CREG2: variants seen among roughly 807,000 people sequenced by gnomAD.
The protein encoded by CREG2 is protein CREG2.
A neutral mutation model predicts 26.2 loss-of-function variants in CREG2; 24 were observed. That is an observed-to-expected ratio of 0.92 (90% confidence interval 0.66 to 1.29). The LOEUF is 1.29. Among genes scored for constraint, CREG2 ranks in the 50% most tolerant of loss-of-function variants. The pLI, the probability that CREG2 is intolerant of heterozygous loss-of-function variation, is 0.00. For synonymous variants in CREG2, 174 were observed against 169.2 expected, an observed-to-expected ratio of 1.03 and a Z score of -0.22; for missense variants, 366 against 398.6, an observed-to-expected ratio of 0.92 and a Z score of 0.70.
chr2:101,380,542 C>T (rs976281788), intron 2 of CREG2, among the ~76,000 whole-genome samples: 1 of 152,252 alleles, frequency 6.6e-6, no homozygotes, highest in Admixed American at 6.5e-5. Flanking sequence ...CCAGTTCTGG[C>T]TTTGTCTTCC....
rs1052015675 is a variant in CREG2, at chr2:101,377,430, C to T, written c.611+6103G>A. Among the ~76,000 whole-genome samples the T allele has an allele frequency of 6.6e-5, 10 of 152,232 alleles. 1 individual carries two copies. Among genetic ancestry groups the T allele is most frequent in the Admixed American group, 3.3e-4 (5 of 15,288 alleles). ...GCTGCCCTGATTCACCAAGAAGGTG[C>T]GAACCTAAAACTCATGCTATTCAAG... is the stretch of plus-strand genomic sequence containing the variant. On this transcript the variant is annotated intron_variant, in intron 2 of 3. Transcript: ENST00000324768.
chr2:101,365,933 G>A (rs1453544322), intron 2 of CREG2, among the ~76,000 whole-genome samples: 1 of 152,064 alleles, frequency 6.6e-6, no homozygotes, highest in Non-Finnish European at 1.5e-5. Context: ...TCACCCAATT[G>A]TTCATTCATC....
chr2:101,374,978 C>T lies in CREG2; in HGVS notation c.611+8555G>A, dbSNP rs1403334406. 2.0e-5 allele frequency among the ~76,000 whole-genome samples: 3 copies of T among 152,298 alleles called. No individual in the cohort carries two copies. The East Asian group carries it at 5.8e-4, about 29-fold the overall frequency. On this transcript the variant is annotated intron_variant, in intron 2 of 3. Transcript: ENST00000324768. Reference sequence around the variant, plus strand: ...CTTGAACCCACAACATAAAGGCAAACTGACCCGCCTGCTGACACCCTCCCC... The same window carrying T: ...CTTGAACCCACAACATAAAGGCAAATTGACCCGCCTGCTGACACCCTCCCC...
At chr2:101,372,167 G>C (rs1485097247) in intron 2 of CREG2, among the ~76,000 whole-genome samples, 1 of 152,168 alleles carries the variant, frequency 6.6e-6, no homozygotes, top group Non-Finnish European at 1.5e-5. Flanking sequence ...GGTGTTAACT[G>C]TTAGGGGACT....
At chr2:101,373,485 C>A (rs527463543) in intron 2 of CREG2, among the ~76,000 whole-genome samples, 1 of 152,280 alleles carries the variant, frequency 6.6e-6, no homozygotes, top group South Asian at 2.1e-4. Context: ...CTTAACAGCC[C>A]TGAAAGCTTT....
Position 101,361,632 on chromosome 2 carries a change from G to A in CREG2, c.612-6266C>T, listed in dbSNP as rs115744043. Reference sequence around the variant, plus strand: ...TGTTAATCTGGTGAGTCCTCTTTTGGACTTCTGACCTCCAGGACAGTAACA... The same window carrying A: ...TGTTAATCTGGTGAGTCCTCTTTTGAACTTCTGACCTCCAGGACAGTAACA... On this transcript the variant is annotated intron_variant, in intron 2 of 3. Coordinates refer to ENST00000324768, the MANE Select transcript of CREG2 (RefSeq NM_153836.4). Among the ~76,000 whole-genome samples the A allele has an allele frequency of 4.3e-3, 660 of 152,252 alleles. 7 individuals carry two copies. Among genetic ancestry groups the A allele is most frequent in the African/African-American group, 0.014 (599 of 41,542 alleles).
intron 2 of CREG2, among the ~76,000 whole-genome samples, chr2:101,359,580 GAC>G (rs1684511063): frequency 6.6e-6 from 1 of 152,256 alleles, no homozygotes; most frequent in African/African-American, 2.4e-5. Context: ...TTTTTAGAGA[GAC>G]AGTTAACAAC....
chr2:101,386,948 G>A lies in CREG2; in HGVS notation c.441+69C>T, dbSNP rs562002847. ...CTCAGTCCCGAGCGGTCGCGAGCAC[G>A]TCCCTGTCCCCGTCCCCCGGCCGCC... is the stretch of plus-strand genomic sequence containing the variant. On this transcript the variant is annotated intron_variant, in intron 1 of 3. Coordinates refer to ENST00000324768, the MANE Select transcript of CREG2 (RefSeq NM_153836.4). 4.7e-4 allele frequency: 573 copies of A among 1,223,488 alleles called. 1 individual carries two copies. The African/African-American group carries it at 8.3e-3, about 18-fold the overall frequency. The allele number at this position is 1,223,488 out of a possible 1,614,324, so 75.8% of individuals were successfully genotyped here.
intron 2 of CREG2, among the ~76,000 whole-genome samples, chr2:101,370,045 C>T (rs769179105): frequency 1.5e-4 from 23 of 152,152 alleles, no homozygotes; most frequent in South Asian, 6.2e-4. Context: ...CAGTCCGGCT[C>T]GGGAGCCAGG....
At chr2:101,365,029 G>T (rs1416676279) in intron 2 of CREG2, among the ~76,000 whole-genome samples, 1 of 152,202 alleles carries the variant, frequency 6.6e-6, no homozygotes, top group African/African-American at 2.4e-5. Context: ...TGGTGCTTTT[G>T]CTAGCAAATC....
intron 2 of CREG2, among the ~76,000 whole-genome samples, chr2:101,377,981 G>T (rs1246004069): frequency 2.0e-5 from 3 of 152,164 alleles, no homozygotes; most frequent in Admixed American, 6.5e-5. Context: ...GCAATGTGAT[G>T]ATTTGATGTT....
intron 2 of CREG2, among the ~76,000 whole-genome samples, chr2:101,376,643 T>A (rs7591123): frequency 0.31 from 47,043 of 152,056 alleles, 9,394 homozygotes; most frequent in African/African-American, 0.57. Context: ...TGAGACCGAG[T>A]TCTGTATTCT....
chr2:101,386,895 G>A (rs892971259), intron 1 of CREG2, 122 bp downstream of exon 1: 2 of 1,018,332 alleles, frequency 2.0e-6, no homozygotes, highest in African/African-American at 3.3e-5. Flanking sequence ...CCCATCCAGG[G>A]CACCGGGCAC....
At position 101,362,419 on chromosome 2, in the gene CREG2, G is replaced by A. The variant is rs113257783; in HGVS notation, c.612-7053C>T. On this transcript the variant is annotated intron_variant, in intron 2 of 3. Coordinates refer to ENST00000324768, the MANE Select transcript of CREG2 (RefSeq NM_153836.4). ...TTCACAATTCTTTAAGTCCATATGAGCTTACTTTTCTATTTCTTTCAACTG... is the reference window on the plus strand; with the variant it reads ...TTCACAATTCTTTAAGTCCATATGAACTTACTTTTCTATTTCTTTCAACTG... Among the ~76,000 whole-genome samples, 7 of 152,254 alleles carry A rather than the reference G, an allele frequency of 4.6e-5. 1 individual carries two copies. The highest frequency in any genetic ancestry group is 1.7e-4 in the African/African-American group (7 of 41,552).
At chr2:101,357,981 A>AGG (rs1684487247) in intron 2 of CREG2, among the ~76,000 whole-genome samples, 7 of 149,944 alleles carry the variant, frequency 4.7e-5, no homozygotes, top group Admixed American at 2.0e-4. Context: ...CGTCTCAAAA[A>AGG]AAAAAAAAAA....
rs1344203984 is a variant in CREG2 at position 101,350,933 on chromosome 2, C to G, written c.863G>C (p.Arg288Thr). 1.2e-6 allele frequency: 2 copies of G among 1,613,990 alleles called. No individual in the cohort carries two copies. Among genetic ancestry groups the G allele is most frequent in the Non-Finnish European group, 1.7e-6 (2 of 1,179,980 alleles). The change falls in exon 4 of 4, where the codon AGA (arginine) becomes ACA (threonine). Residue 288 changes from arginine (R) to threonine (T), a missense_variant. Transcript: ENST00000324768. Reference protein sequence around the residue: ...SREEYFKAVPRKA With the variant: ...SREEYFKAVPTKA ...TTTCTTCTCACTCCATCAGGCCTTTCTGGGAACTGCTTTGAAATATTCCTC... is the reference window on the plus strand; with the variant it reads ...TTTCTTCTCACTCCATCAGGCCTTTGTGGGAACTGCTTTGAAATATTCCTC...
intron 2 of CREG2, among the ~76,000 whole-genome samples, chr2:101,373,819 AG>A (rs1321424329): frequency 6.6e-6 from 1 of 152,214 alleles, no homozygotes; most frequent in Admixed American, 6.5e-5. Context: ...TGGCTCATCA[AG>A]CTTTCTCTTT....
chr2:101,351,821 G>A (rs1223063352), intron 3 of CREG2, among the ~76,000 whole-genome samples: 2 of 152,062 alleles, frequency 1.3e-5, no homozygotes, highest in African/African-American at 4.8e-5. Context: ...CAAAGACCGA[G>A]TCCAAACTGG....
rs1375253070 is a variant in CREG2 at position 101,383,599 on chromosome 2, A to G, written c.545T>C (p.Val182Ala). ...FFYMTAKDPV[V>A]ADLMKNPMAS... ...CATGGGGTTCTTCATCAGATCAGCC[A>G]CCACGGGGTCCTTGGCTGTCATGTA... The change falls in exon 2 of 4, where the codon GTG becomes GCG. Residue 182 changes from valine to alanine, a missense_variant. Physicochemically the swap from Val to Ala is moderately conservative, Grantham distance 64 (BLOSUM62 0). This residue lies in a region of CREG2 where 174 missense variants were observed against 178.2 expected (regional missense o/e 0.98). Transcript: ENST00000324768. The G allele has an allele frequency of 6.2e-7, 1 of 1,614,190 alleles. No individual in the cohort carries two copies. Among genetic ancestry groups the G allele is most frequent in the South Asian group, 1.1e-5 (1 of 91,082 alleles).
Sources: gnomAD v4.1 joint callset for allele counts (sites outside exome capture counted in the v4.1 genomes callset) on GRCh38, gnomAD v4.1.1 for gene constraint, gnomAD v4.1.1 regional missense constraint, MANE v1.5 for transcripts, NCBI Gene and HGNC (gene_info 2026-07-23, HGNC 2026-07-21) for gene names.